UNC5D: variants seen among roughly 807,000 people sequenced by gnomAD.
UNC5D encodes netrin receptor UNC5D.
Under a neutral mutation model 105.4 loss-of-function variants are expected in UNC5D, and 39 were observed. That is an observed-to-expected ratio of 0.37 (90% CI 0.29 to 0.48). UNC5D has a LOEUF of 0.48. UNC5D is among the 20% of genes least tolerant of loss of function. The probability of loss-of-function intolerance (pLI) is 0.98; values close to 1 mark genes in which losing one functional copy is unlikely to be tolerated. For synonymous variants in UNC5D, 452 were observed against 450.4 expected, an observed-to-expected ratio of 1.00 and a Z score of -0.04; for missense variants, 991 against 1,202.4, an observed-to-expected ratio of 0.82 and a Z score of 2.60.
intron 1 of UNC5D, among the ~76,000 whole-genome samples, chr8:35,529,957 G>A (rs1182208753): frequency 2.6e-5 from 4 of 151,066 alleles, no homozygotes; most frequent in African/African-American, 9.7e-5. Context: ...TGAGACAATG[G>A]GGTTTTCTAT....
chr8:35,262,213 G>C (rs1303593180), intron 1 of UNC5D, among the ~76,000 whole-genome samples: 1 of 152,118 alleles, frequency 6.6e-6, no homozygotes, highest in African/African-American at 2.4e-5. Flanking sequence ...TTAAACTTTA[G>C]GGAATTAAAA....
At chr8:35,298,208 C>T (rs1807644353) in intron 1 of UNC5D, among the ~76,000 whole-genome samples, 1 of 152,164 alleles carries the variant, frequency 6.6e-6, no homozygotes, top group Admixed American at 6.5e-5. Context: ...CTCACAGAAA[C>T]ACCCCCATAG....
At chr8:35,509,476 T>C in intron 1 of UNC5D, among the ~76,000 whole-genome samples, 1 of 4,170 alleles carries the variant, frequency 2.4e-4, no homozygotes, top group Non-Finnish European at 7.0e-4. Flanking sequence ...TAGCTTATCT[T>C]GCTGGGAGAA....
In UNC5D at chr8:35,750,659, C is replaced by G; in HGVS notation, c.2013C>G (p.Asp671Glu). The part of the protein sequence containing the change: ...LDPFACHVLL[D>E]SFGTYALTGE... Reference sequence around the variant, plus strand: ...CCTTTGCGTGTCATGTGCTCCTGGACAGCTTTGGGACCTATGCGCTCACTG... The same window carrying G: ...CCTTTGCGTGTCATGTGCTCCTGGAGAGCTTTGGGACCTATGCGCTCACTG... The change falls in exon 13 of 17, where the codon GAC becomes GAG. Residue 671 changes from aspartate to glutamate, a missense_variant. Transcript: ENST00000404895. The G allele has an allele frequency of 6.2e-7, 1 of 1,614,068 alleles. No homozygotes were observed.
chr8:35,514,849 C>T (rs1234126106), intron 1 of UNC5D, among the ~76,000 whole-genome samples: 1 of 152,108 alleles, frequency 6.6e-6, no homozygotes, highest in African/African-American at 2.4e-5. Context: ...AGAAAATTGC[C>T]AGAAGGAATG....
At chr8:35,773,154 A>G (rs1335283229) in intron 15 of UNC5D, among the ~76,000 whole-genome samples, 1 of 152,196 alleles carries the variant, frequency 6.6e-6, no homozygotes, top group South Asian at 2.1e-4. Context: ...AAGTGATTCA[A>G]TTGGATATTT....
At position 35,688,862 on chromosome 8, in the gene UNC5D, A is replaced by G. The variant is rs533847369; in HGVS notation, c.1084+2153A>G. 2.6e-5 allele frequency among the ~76,000 whole-genome samples: 4 copies of G among 152,344 alleles called. No individual in the cohort carries two copies. In the South Asian group the frequency reaches 8.3e-4, roughly 32 times the overall value. On this transcript the variant is annotated intron_variant, in intron 7 of 16. Transcript: ENST00000404895. ...GACGAGTTCATTTAATAAGCCAATA[A>G]ATTGTTTAAAGCAACTACCTGAACT...
chr8:35,256,298 G>A (rs1768458859), intron 1 of UNC5D: 1 of 152,092 alleles, frequency 6.6e-6, no homozygotes, highest in Non-Finnish European at 1.5e-5. Flanking sequence ...GAATATTTGT[G>A]GGTTAATTGA....
chr8:35,351,515 G>A (rs1164668044), intron 1 of UNC5D, among the ~76,000 whole-genome samples: 1 of 152,062 alleles, frequency 6.6e-6, no homozygotes, highest in Non-Finnish European at 1.5e-5. Context: ...TATCTTCCAT[G>A]CTTCTGAATT....
chr8:35,757,924 A>T (rs1830586004), intron 13 of UNC5D, among the ~76,000 whole-genome samples: 1 of 152,184 alleles, frequency 6.6e-6, no homozygotes, highest in African/African-American at 2.4e-5. Context: ...TGCTAATCAC[A>T]TGTGGATATT....
At chr8:35,767,854 C>T (rs1285815752) in intron 15 of UNC5D, among the ~76,000 whole-genome samples, 1 of 151,998 alleles carries the variant, frequency 6.6e-6, no homozygotes, top group African/African-American at 2.4e-5. Flanking sequence ...TGAACATAAG[C>T]TTATAAAGTA....
intron 1 of UNC5D, among the ~76,000 whole-genome samples, chr8:35,385,073 G>C (rs1803300931): frequency 6.6e-6 from 1 of 152,180 alleles, no homozygotes; most frequent in South Asian, 2.1e-4. Context: ...AGGCCGCCAT[G>C]TAACCTCACT....
At chr8:35,429,398 C>T (rs1405040774) in intron 1 of UNC5D, among the ~76,000 whole-genome samples, 1 of 151,988 alleles carries the variant, frequency 6.6e-6, no homozygotes, top group Non-Finnish European at 1.5e-5. Context: ...CTACCACTAA[C>T]TCTCTGTTTT....
intron 1 of UNC5D, among the ~76,000 whole-genome samples, chr8:35,286,417 C>G (rs1585498380): frequency 6.6e-6 from 1 of 152,312 alleles, no homozygotes; most frequent in African/African-American, 2.4e-5. Context: ...TCCTAGCGAG[C>G]TTCCCCACAT....
chr8:35,485,880 G>A (rs1052414280), intron 1 of UNC5D, among the ~76,000 whole-genome samples: 4 of 152,276 alleles, frequency 2.6e-5, no homozygotes, highest in Admixed American at 6.5e-5. Flanking sequence ...TCTTCCAGAT[G>A]GTCCCCATTG....
intron 2 of UNC5D, among the ~76,000 whole-genome samples, chr8:35,556,745 A>G (rs1294440441): frequency 1.3e-5 from 2 of 152,210 alleles, no homozygotes; most frequent in African/African-American, 4.8e-5. Context: ...TTCTCCAGAT[A>G]TCAGGATATC....
At chr8:35,623,743 A>G (rs914020768) in intron 4 of UNC5D, among the ~76,000 whole-genome samples, 4 of 152,254 alleles carry the variant, frequency 2.6e-5, no homozygotes, top group African/African-American at 9.6e-5. Flanking sequence ...GGCATTTAAC[A>G]ACATGCCATC....
At chr8:35,693,391 G>T (rs1826538953) in intron 7 of UNC5D, among the ~76,000 whole-genome samples, 1 of 152,056 alleles carries the variant, frequency 6.6e-6, no homozygotes, top group South Asian at 2.1e-4. Context: ...TTAATAAAAA[G>T]AAAAAGACAT....
intron 2 of UNC5D, among the ~76,000 whole-genome samples, chr8:35,562,145 A>G (rs1817012225): frequency 1.3e-5 from 2 of 152,178 alleles, no homozygotes; most frequent in Non-Finnish European, 2.9e-5. Context: ...CACTTGGCTT[A>G]TTGCACTTAA....
Sources: allele counts gnomAD v4.1 joint callset (sites outside exome capture counted in the v4.1 genomes callset), GRCh38; gene constraint gnomAD v4.1.1; transcripts MANE v1.5; gene names NCBI Gene and HGNC (gene_info 2026-07-23, HGNC 2026-07-21).